Variants in CHCHD6 observed in about 807,000 individuals in gnomAD.
CHCHD6 encodes coiled-coil-helix-coiled-coil-helix domain containing 6.
A neutral mutation model predicts 32.3 loss-of-function variants in CHCHD6; 28 were observed. The observed-to-expected ratio is 0.87, with a 90% CI of 0.64 to 1.19. The LOEUF is 1.19. CHCHD6 is among the 50% of genes most tolerant of loss of function. The pLI, the probability that CHCHD6 is intolerant of heterozygous loss-of-function variation, is 0.00. For synonymous variants in CHCHD6, 122 were observed against 117.5 expected (o/e 1.04, Z -0.25); for missense variants, 333 against 307.0 (o/e 1.08, Z -0.63).
intron 4 of CHCHD6, among the ~76,000 whole-genome samples, chr3:126,792,256 T>C (rs55662340): frequency 0.18 from 25,032 of 141,482 alleles, 2,630 homozygotes; most frequent in Non-Finnish European, 0.24. Context: ...AGAATATATA[T>C]TCTAATATAG....
At chr3:126,798,791 C>T (rs1012478935) in intron 4 of CHCHD6, among the ~76,000 whole-genome samples, 2 of 152,220 alleles carry the variant, frequency 1.3e-5, no homozygotes, top group African/African-American at 4.8e-5. Flanking sequence ...GGAATTGGAG[C>T]TCAGTCTGCC....
intron 4 of CHCHD6, among the ~76,000 whole-genome samples, chr3:126,794,416 A>G (rs970358871): frequency 6.8e-6 from 1 of 148,064 alleles, no homozygotes; most frequent in Admixed American, 6.8e-5. Context: ...TATAGTTTGT[A>G]TATATTTATA....
chr3:126,845,096 T>C (rs1941249299), intron 4 of CHCHD6, among the ~76,000 whole-genome samples: 1 of 152,216 alleles, frequency 6.6e-6, no homozygotes, highest in Non-Finnish European at 1.5e-5. Flanking sequence ...AGCCACTAAG[T>C]TTCTGGTAAT....
intron 4 of CHCHD6, among the ~76,000 whole-genome samples, chr3:126,747,489 T>C (rs1456002862): frequency 6.6e-6 from 1 of 152,194 alleles, no homozygotes. Context: ...TACCTAAACA[T>C]TTTCTTAGTG....
intron 4 of CHCHD6, among the ~76,000 whole-genome samples, chr3:126,842,614 T>C: frequency 6.6e-6 from 1 of 152,218 alleles, no homozygotes; most frequent in East Asian, 1.9e-4. Context: ...AATAATTTGC[T>C]TAAATCTCAA....
At chr3:126,722,214 G>A (rs1040069314) in intron 1 of CHCHD6, among the ~76,000 whole-genome samples, 1 of 152,154 alleles carries the variant, frequency 6.6e-6, no homozygotes, top group Non-Finnish European at 1.5e-5. Flanking sequence ...GGAGTGCAGT[G>A]GCACAGTCAT....
intron 4 of CHCHD6, among the ~76,000 whole-genome samples, chr3:126,851,351 CA>C (rs1342907284): frequency 2.6e-5 from 4 of 152,344 alleles, no homozygotes; most frequent in Admixed American, 2.6e-4. Flanking sequence ...GATTCAAACC[CA>C]TGTGCTGATA....
intron 5 of CHCHD6, among the ~76,000 whole-genome samples, chr3:126,894,658 G>A (rs2077812516): frequency 6.6e-6 from 1 of 152,158 alleles, no homozygotes; most frequent in Non-Finnish European, 1.5e-5. Flanking sequence ...CCATCACGGT[G>A]GGAGGCAGAC....
At chr3:126,831,776 C>A (rs1005389946) in intron 4 of CHCHD6, among the ~76,000 whole-genome samples, 1 of 152,160 alleles carries the variant, frequency 6.6e-6, no homozygotes, top group Non-Finnish European at 1.5e-5. Context: ...AAAACTCAAG[C>A]CATCCTTTAC....
chr3:126,879,235 A>G (rs1001876705), intron 5 of CHCHD6, among the ~76,000 whole-genome samples: 1 of 152,218 alleles, frequency 6.6e-6, no homozygotes, highest in African/African-American at 2.4e-5. Context: ...GGGAGAGAAT[A>G]CAGACCTCAC....
intron 6 of CHCHD6, among the ~76,000 whole-genome samples, chr3:126,948,685 G>A (rs913307299): frequency 3.9e-5 from 6 of 152,126 alleles, no homozygotes; most frequent in Non-Finnish European, 8.8e-5. Flanking sequence ...ACTTGACCAG[G>A]TTGTCTTCTT....
chr3:126,731,974 GA>G (rs533203828), intron 3 of CHCHD6, among the ~76,000 whole-genome samples: 1 of 151,306 alleles, frequency 6.6e-6, no homozygotes, highest in Non-Finnish European at 1.5e-5. Context: ...AGCTGCTCAA[GA>G]GGCTGAGGTG....
intron 4 of CHCHD6, among the ~76,000 whole-genome samples, chr3:126,840,779 TA>T (rs1248400052): frequency 2.0e-5 from 3 of 152,174 alleles, no homozygotes; most frequent in African/African-American, 7.2e-5. Context: ...TGTATGATCT[TA>T]TTTAACTTCA....
chr3:126,889,006 T>TC, intron 5 of CHCHD6, among the ~76,000 whole-genome samples: 1 of 152,254 alleles, frequency 6.6e-6, no homozygotes, highest in Non-Finnish European at 1.5e-5. Context: ...ACAGGCTTGG[T>TC]CCCTCGTGTG....
At chr3:126,726,580 G>A (rs777551456) in intron 1 of CHCHD6, among the ~76,000 whole-genome samples, 3 of 152,190 alleles carry the variant, frequency 2.0e-5, no homozygotes, top group Non-Finnish European at 4.4e-5. Context: ...TCTGCAAAGT[G>A]GAATAAAGAG....
chr3:126,954,714 C>T (rs553212904), intron 6 of CHCHD6, among the ~76,000 whole-genome samples: 1 of 152,058 alleles, frequency 6.6e-6, no homozygotes, highest in East Asian at 1.9e-4. Context: ...AGGGTGGGGT[C>T]CTGCTTCAGG....
intron 4 of CHCHD6, 137 bp downstream of exon 4, chr3:126,733,359 G>A: frequency 1.3e-6 from 1 of 771,950 alleles, no homozygotes; most frequent in Non-Finnish European, 2.1e-6. Context: ...CTTCACCTCT[G>A]TGGAAAAGGG....
chr3:126,926,444 G>T (rs550833315), intron 6 of CHCHD6, among the ~76,000 whole-genome samples: 10 of 152,334 alleles, frequency 6.6e-5, no homozygotes, highest in Non-Finnish European at 2.9e-5. Flanking sequence ...AGAGAGGATG[G>T]CAGGACTAGC....
intron 4 of CHCHD6, among the ~76,000 whole-genome samples, chr3:126,748,821 G>A (rs1559821085): frequency 6.6e-6 from 1 of 152,140 alleles, no homozygotes; most frequent in African/African-American, 2.4e-5. Flanking sequence ...CTGCAGCCCG[G>A]GCTGGGCTGG....
Sources: gnomAD v4.1 joint callset for allele counts (sites outside exome capture counted in the v4.1 genomes callset) on GRCh38, gnomAD v4.1.1 for gene constraint, MANE v1.5 for transcripts, NCBI Gene and HGNC (gene_info 2026-07-23, HGNC 2026-07-21) for gene names.